Variants in EEF2K observed in about 807,000 individuals in gnomAD.
The protein encoded by EEF2K is alternative protein EEF2K.
A neutral mutation model predicts 93.8 loss-of-function variants in EEF2K; 70 were observed. The ratio of observed to expected loss-of-function variants is 0.75; its 90% CI spans 0.62 to 0.91. The LOEUF is 0.91. Among genes scored for constraint, EEF2K ranks in the 40% least tolerant of loss-of-function variants. EEF2K has a pLI of 0.00. For synonymous variants in EEF2K, 376 were observed against 380.8 expected, an observed-to-expected ratio of 0.99 and a Z score of 0.15; for missense variants, 935 against 972.9, an observed-to-expected ratio of 0.96 and a Z score of 0.52.
chr16:22,264,440 C>T (rs2047497275), intron 12 of EEF2K, among the ~76,000 whole-genome samples: 1 of 152,066 alleles, frequency 6.6e-6, no homozygotes, highest in Non-Finnish European at 1.5e-5. Context: ...TGCTGCACTC[C>T]AGCCTGGGCA....
rs930514539 is a variant in EEF2K at position 22,236,776 on chromosome 16, CATTATT to C, written c.247-7847_247-7842del. On this transcript the variant is annotated intron_variant, in intron 2 of 17. Transcript: ENST00000263026. ...AGTAAATTATTATTACTATAGTAAT[CATTATT>C]ATTATTTCCATCTCCCTTTCCTGGT... Among the ~76,000 whole-genome samples, 9 of 151,450 alleles carry C rather than the reference CATTATT, an allele frequency of 5.9e-5. No homozygotes were observed. In the Admixed American group the frequency reaches 6.0e-4, roughly 10 times the overall value.
intron 2 of EEF2K, among the ~76,000 whole-genome samples, chr16:22,237,309 A>G (rs1000476780): frequency 6.6e-6 from 1 of 152,058 alleles, no homozygotes; most frequent in African/African-American, 2.4e-5. Flanking sequence ...GAATCCTTAG[A>G]AATAGAGGAT....
rs1043402164 is a variant in EEF2K, at chr16:22,283,737, C to T, written c.2069-150C>T. ...CACAGGCCCACCTTTAGAGCCCCGC[C>T]CGGAACACCTGGAGGGAGAGGGCAC... On this transcript the variant is annotated intron_variant, in intron 17 of 17. Transcript: ENST00000263026. 4 of 721,798 alleles carry T rather than the reference C, an allele frequency of 5.5e-6. No individual in the cohort carries two copies. The Admixed American group carries it at 1.0e-4, about 19-fold the overall frequency. The allele number at this position is 721,798 out of a possible 1,614,324, so 44.7% of individuals were successfully genotyped here.
intron 1 of EEF2K, among the ~76,000 whole-genome samples, chr16:22,211,183 T>C (rs2046910249): frequency 6.6e-6 from 1 of 152,212 alleles, no homozygotes; most frequent in African/African-American, 2.4e-5. Flanking sequence ...TTGCTCACTT[T>C]GCTCCACTCT....
intron 7 of EEF2K, 63 bp downstream of exon 7, chr16:22,256,960 G>C: frequency 6.3e-7 from 1 of 1,597,054 alleles, no homozygotes; most frequent in Non-Finnish European, 8.5e-7. Flanking sequence ...TCCTGGCCAG[G>C]CTCAGCCCCT....
chr16:22,280,292 G>A lies in EEF2K; in HGVS notation c.1984G>A (p.Glu662Lys), dbSNP rs186100609. The A allele has an allele frequency of 6.8e-5, 109 of 1,609,364 alleles. No homozygotes were observed. In the East Asian group the frequency reaches 1.6e-3, roughly 23 times the overall value. ...CGGTGAGTACGACGGAATGCAGGAC[G>A]AGCCCCGGTACATGATGCTGGCCAG... ...EGGEYDGMQD[E>K]PRYMMLAREA... is the part of the protein sequence containing the mutation. The change falls in exon 17 of 18, where the codon GAG (glutamate) becomes AAG (lysine). Residue 662 changes from glutamate (E) to lysine (K), a missense_variant. By Grantham distance (56) the Glu-to-Lys change is moderately conservative (BLOSUM62 1). Coordinates refer to ENST00000263026, the MANE Select transcript of EEF2K (RefSeq NM_013302.5).
At chr16:22,249,368 A>G (rs9937787) in intron 4 of EEF2K, among the ~76,000 whole-genome samples, 2 of 152,238 alleles carry the variant, frequency 1.3e-5, no homozygotes, top group Middle Eastern at 3.4e-3. Flanking sequence ...GGATTGCTTT[A>G]TGAAACTTTG....
chr16:22,277,386 A>G (rs925754270), intron 16 of EEF2K, among the ~76,000 whole-genome samples: 1 of 152,090 alleles, frequency 6.6e-6, no homozygotes, highest in African/African-American at 2.4e-5. Context: ...CCTCCAACCT[A>G]GGCCTCCCAA....
At chr16:22,264,060 G>A (rs1428532467) in intron 12 of EEF2K, among the ~76,000 whole-genome samples, 3 of 151,976 alleles carry the variant, frequency 2.0e-5, no homozygotes, top group Middle Eastern at 3.2e-3. Flanking sequence ...TTGGGAGGCC[G>A]GGGCAGGCAG....
At chr16:22,255,734 C>T (rs1469332118) in intron 6 of EEF2K, among the ~76,000 whole-genome samples, 1 of 151,978 alleles carries the variant, frequency 6.6e-6, no homozygotes, top group Non-Finnish European at 1.5e-5. Context: ...CATAGTGAGA[C>T]CTCGTCTCTA....
rs576069878 is a variant in EEF2K, at chr16:22,260,491, A to T, written c.1261A>T (p.Met421Leu). Residue 421 changes from methionine (M) to leucine (L), a missense_variant, in exon 11 of 18, where the codon ATG (methionine) becomes TTG (leucine). Met to Leu is a conservative substitution (Grantham distance 15). Transcript: ENST00000263026. The part of the protein sequence containing the change: ...HWPVFSDLDN[M>L]ASRDHDHLDN... Reference sequence around the variant, plus strand: ...GCCAGTGTTCAGTGACCTCGATAACATGGCATCCAGAGACCATGATCATCT... The same window carrying T: ...GCCAGTGTTCAGTGACCTCGATAACTTGGCATCCAGAGACCATGATCATCT... 1 of 1,614,142 alleles carries T rather than the reference A, an allele frequency of 6.2e-7. No individual in the cohort carries two copies. Among genetic ancestry groups the T allele is most frequent in the South Asian group, 1.1e-5 (1 of 91,082 alleles).
intron 9 of EEF2K, 40 bp downstream of exon 9, chr16:22,257,810 T>A (rs2047422402): frequency 6.2e-7 from 1 of 1,603,500 alleles, no homozygotes; most frequent in South Asian, 1.1e-5. Context: ...TGGCAGGCCC[T>A]TCTGCTACTT....
Position 22,286,372 on chromosome 16 carries a change from C to A in EEF2K, c.*2376C>A, listed in dbSNP as rs549154638. On this transcript the variant is annotated 3_prime_UTR_variant, in exon 18 of 18. Coordinates refer to ENST00000263026, the MANE Select transcript of EEF2K (RefSeq NM_013302.5). ...ATGCTTTTTAAATTCAGCCAGCCCC[C>A]CCTCTCTGAAATTTTATTATGTAAA... 3.7e-4 allele frequency: 56 copies of A among 152,282 alleles called. No homozygotes were observed. The highest frequency in any genetic ancestry group is 1.3e-3 in the African/African-American group (56 of 41,560). 9.4% of individuals were successfully genotyped at this position (152,282 alleles called of 1,614,324 possible). A position where few individuals can be genotyped will look rare whatever the true frequency, so the allele number is the denominator to read the frequency against.
In EEF2K at chr16:22,248,810, T is replaced by C; in HGVS notation, c.403T>C (p.Ser135Pro). Residue 135 changes from serine to proline, a missense_variant, in exon 4 of 18, where the codon TCT becomes CCT. Physicochemically the swap from Ser to Pro is moderately conservative, Grantham distance 74. Coordinates refer to ENST00000263026, the MANE Select transcript of EEF2K (RefSeq NM_013302.5). Reference sequence around the variant, plus strand: ...TGATGAAGTTCTGATCAAGATGGCATCTCAGGTGAGCAGAGCGTTGAGCCC... The same window carrying C: ...TGATGAAGTTCTGATCAAGATGGCACCTCAGGTGAGCAGAGCGTTGAGCCC... Reference protein sequence around the residue: ...LDDEVLIKMASQPFGRGAMRE... With the variant: ...LDDEVLIKMAPQPFGRGAMRE... 1 of 1,613,938 alleles carries C rather than the reference T, an allele frequency of 6.2e-7. No homozygotes were observed. Among genetic ancestry groups the C allele is most frequent in the African/African-American group, 1.3e-5 (1 of 75,010 alleles).
intron 10 of EEF2K, 59 bp from the exon 11 acceptor site, chr16:22,260,403 G>T: frequency 6.3e-7 from 1 of 1,596,768 alleles, no homozygotes; most frequent in Non-Finnish European, 8.6e-7. Context: ...GCCGTGGGTT[G>T]GTCTTATGCA....
At chr16:22,249,949 T>C (rs758394864) in intron 4 of EEF2K, among the ~76,000 whole-genome samples, 1 of 151,742 alleles carries the variant, frequency 6.6e-6, no homozygotes, top group Non-Finnish European at 1.5e-5. Context: ...GCCCAGCCAA[T>C]TTTTCTATTT....
intron 1 of EEF2K, among the ~76,000 whole-genome samples, chr16:22,220,912 G>A (rs187762617): frequency 6.6e-6 from 1 of 152,318 alleles, no homozygotes; most frequent in Non-Finnish European, 1.5e-5. Flanking sequence ...AGGGATTCTG[G>A]CCAAGGGCTG....
intron 17 of EEF2K, among the ~76,000 whole-genome samples, chr16:22,283,029 G>A (rs2047711275): frequency 6.6e-6 from 1 of 151,948 alleles, no homozygotes; most frequent in South Asian, 2.1e-4. Context: ...TGCAAATCTA[G>A]GCTGGGCAGT....
rs2047344323 is a variant in EEF2K, at chr16:22,251,003, G to A, written c.447-148G>A. On this transcript the variant is annotated intron_variant, in intron 5 of 17. Coordinates refer to ENST00000263026, the MANE Select transcript of EEF2K (RefSeq NM_013302.5). Reference sequence around the variant, plus strand: ...AGCTCTTTGAAGGATGCAGAGGGGTGGGGACGTCCTTCTTACCTCCTGCAT... The same window carrying A: ...AGCTCTTTGAAGGATGCAGAGGGGTAGGGACGTCCTTCTTACCTCCTGCAT... 9 of 943,394 alleles carry A rather than the reference G, an allele frequency of 9.5e-6. No individual in the cohort carries two copies. In the African/African-American group the frequency reaches 1.2e-4, roughly 12 times the overall value. The allele number at this position is 943,394 out of a possible 1,614,324, so 58.4% of individuals were successfully genotyped here. A position where few individuals can be genotyped will look rare whatever the true frequency, so the allele number is the denominator to read the frequency against.
Sources: allele counts gnomAD v4.1 joint callset (sites outside exome capture counted in the v4.1 genomes callset), GRCh38; gene constraint gnomAD v4.1.1; transcripts MANE v1.5; gene names NCBI Gene and HGNC (gene_info 2026-07-23, HGNC 2026-07-21).